Variants in MAN2A1 observed in about 807,000 individuals in gnomAD.
MAN2A1 encodes alpha-mannosidase 2.
Under a neutral mutation model 142.6 loss-of-function variants are expected in MAN2A1, and 76 were observed. The ratio of observed to expected loss-of-function variants is 0.53; its 90% CI spans 0.44 to 0.65. MAN2A1 has a LOEUF of 0.65. Among genes scored for constraint, MAN2A1 ranks in the 30% least tolerant of loss-of-function variants. MAN2A1 has a pLI of 0.00. For synonymous variants in MAN2A1, 559 were observed against 473.2 expected (o/e 1.18, Z -2.35); for missense variants, 1,311 against 1,365.1 (o/e 0.96, Z 0.62).
At chr5:109,723,106 CA>C (rs1302093671) in intron 3 of MAN2A1, among the ~76,000 whole-genome samples, 1 of 152,148 alleles carries the variant, frequency 6.6e-6, no homozygotes, top group Non-Finnish European at 1.5e-5. Flanking sequence ...CACAGTTGTA[CA>C]TTGTACGTAT....
intron 10 of MAN2A1, among the ~76,000 whole-genome samples, chr5:109,786,787 A>G (rs1163205593): frequency 1.3e-5 from 2 of 152,024 alleles, no homozygotes; most frequent in Non-Finnish European, 2.9e-5. Flanking sequence ...ATCACTGTGA[A>G]CAAGTTTATG....
intron 20 of MAN2A1, chr5:109,863,218 A>T (rs1286409584): frequency 6.6e-6 from 1 of 152,212 alleles, no homozygotes; most frequent in Non-Finnish European, 1.5e-5. Context: ...AGACTTTGTT[A>T]TGACTTTGAT....
At chr5:109,792,099 C>T (rs191307706) in intron 12 of MAN2A1, among the ~76,000 whole-genome samples, 7 of 152,130 alleles carry the variant, frequency 4.6e-5, no homozygotes, top group Admixed American at 6.6e-5. Flanking sequence ...CCTCCCATAA[C>T]GCATTGCCAT....
intron 11 of MAN2A1, 89 bp downstream of exon 11, chr5:109,789,137 G>T (rs1753674857): frequency 1.5e-6 from 1 of 663,094 alleles, no homozygotes. Flanking sequence ...AATGAAAAAA[G>T]ACATTGAAAT....
intron 8 of MAN2A1, 97 bp downstream of exon 8, chr5:109,775,062 A>G: frequency 1.3e-6 from 1 of 759,882 alleles, no homozygotes; most frequent in South Asian, 1.9e-5. Flanking sequence ...GTCCTACATC[A>G]CAGTGCTTCT....
intron 4 of MAN2A1, among the ~76,000 whole-genome samples, chr5:109,736,910 T>TA (rs907345348): frequency 2.6e-5 from 4 of 152,174 alleles, no homozygotes; most frequent in African/African-American, 9.6e-5. Context: ...TTTATGTTTT[T>TA]ATATGCTATT....
chr5:109,781,621 A>G (rs553235287), intron 9 of MAN2A1, 23 bp downstream of exon 9: 6 of 1,485,492 alleles, frequency 4.0e-6, no homozygotes, highest in South Asian at 3.9e-5. Context: ...TTCTATAGCT[A>G]CATGTATTTT....
intron 4 of MAN2A1, among the ~76,000 whole-genome samples, chr5:109,732,068 A>G (rs999827577): frequency 2.6e-5 from 4 of 151,798 alleles, no homozygotes; most frequent in African/African-American, 7.3e-5. Context: ...CTGGAGTGAG[A>G]TGGTATCTCA....
At chr5:109,773,093 T>G (rs1753192571) in intron 7 of MAN2A1, among the ~76,000 whole-genome samples, 1 of 152,236 alleles carries the variant, frequency 6.6e-6, no homozygotes, top group Non-Finnish European at 1.5e-5. Flanking sequence ...CTGTATGTTT[T>G]CAAATGTGAT....
chr5:109,855,678 GTTA>G (rs1490721629), intron 20 of MAN2A1, among the ~76,000 whole-genome samples: 2 of 152,130 alleles, frequency 1.3e-5, no homozygotes, highest in African/African-American at 4.8e-5. Context: ...ATAGTACTTA[GTTA>G]TTTCTATATC....
At chr5:109,779,106 G>A (rs1445005629) in intron 8 of MAN2A1, among the ~76,000 whole-genome samples, 2 of 152,028 alleles carry the variant, frequency 1.3e-5, no homozygotes, top group African/African-American at 4.8e-5. Flanking sequence ...ACTTTCTAGA[G>A]AAATTTACTT....
At chr5:109,761,094 G>T (rs919441824) in intron 5 of MAN2A1, among the ~76,000 whole-genome samples, 12 of 150,860 alleles carry the variant, frequency 8.0e-5, no homozygotes, top group Admixed American at 2.0e-4. Context: ...ATGTGTATAT[G>T]TGTGGTCTAA....
intron 12 of MAN2A1, among the ~76,000 whole-genome samples, chr5:109,814,221 T>C (rs1488834445): frequency 1.3e-5 from 2 of 152,186 alleles, no homozygotes; most frequent in African/African-American, 2.4e-5. Flanking sequence ...TTAATGTGGA[T>C]CAAATATTGT....
chr5:109,845,741 C>T, intron 17 of MAN2A1, 124 bp from the exon 18 acceptor site: 4 of 614,584 alleles, frequency 6.5e-6, no homozygotes, highest in South Asian at 3.3e-5. Context: ...TAAATTATTT[C>T]TTCCACTGAA....
intron 12 of MAN2A1, among the ~76,000 whole-genome samples, chr5:109,809,065 A>T (rs1484274569): frequency 6.6e-6 from 1 of 152,138 alleles, no homozygotes; most frequent in Non-Finnish European, 1.5e-5. Context: ...TTTCTAAGTT[A>T]TAGTTTTTTC....
chr5:109,727,603 A>C (rs1751781154), intron 3 of MAN2A1, among the ~76,000 whole-genome samples: 1 of 152,190 alleles, frequency 6.6e-6, no homozygotes, highest in Non-Finnish European at 1.5e-5. Context: ...AGTTTATATA[A>C]GTGTTTTAAT....
Position 109,817,313 on chromosome 5 carries a change from T to G in MAN2A1, c.1984T>G (p.Ser662Ala), listed in dbSNP as rs781557212. The G allele has an allele frequency of 6.2e-7, 1 of 1,614,046 alleles. No individual in the cohort carries two copies. The highest frequency in any genetic ancestry group is 2.2e-5 in the East Asian group (1 of 44,896). ...TAATCCTTTAGAACAAGACCGAATC[T>G]CGTTGGTCTCAGTCTATGTGAGTTC... The part of the protein sequence containing the change: ...VYNPLEQDRI[S>A]LVSVYVSSPT... The change falls in exon 13 of 22, where the codon TCG becomes GCG. Residue 662 changes from serine (S) to alanine (A), a missense_variant. Coordinates refer to ENST00000261483, the MANE Select transcript of MAN2A1 (RefSeq NM_002372.4).
intron 17 of MAN2A1, among the ~76,000 whole-genome samples, chr5:109,842,739 A>AT (rs1452944956): frequency 2.0e-5 from 3 of 151,684 alleles, no homozygotes; most frequent in African/African-American, 2.4e-5. Flanking sequence ...GATGCTAAAA[A>AT]ATATATATAT....
chr5:109,722,293 G>A (rs1751626812), intron 3 of MAN2A1, among the ~76,000 whole-genome samples: 2 of 152,170 alleles, frequency 1.3e-5, no homozygotes, highest in South Asian at 4.2e-4. Flanking sequence ...TATCTTAATT[G>A]AAATGAATGT....
Sources: allele counts gnomAD v4.1 joint callset (sites outside exome capture counted in the v4.1 genomes callset), GRCh38; gene constraint gnomAD v4.1.1; transcripts MANE v1.5; gene names NCBI Gene and HGNC (gene_info 2026-07-23, HGNC 2026-07-21).